PPP1R14D: variants seen among roughly 807,000 people sequenced by gnomAD.
The protein encoded by PPP1R14D is protein phosphatase 1 regulatory inhibitor subunit 14D.
In PPP1R14D, 14 loss-of-function variants were observed where a neutral mutation model predicts 17.1. The observed-to-expected ratio is 0.82, with a 90% CI of 0.54 to 1.28. The LOEUF (loss-of-function observed/expected upper bound fraction) is 1.28, where lower values mean the gene tolerates loss of function less well. PPP1R14D is among the 50% of genes most tolerant of loss of function. The probability of loss-of-function intolerance (pLI) is 0.00; values close to 1 mark genes in which losing one functional copy is unlikely to be tolerated. For missense variants in PPP1R14D, 173 were observed against 179.2 expected, an observed-to-expected ratio of 0.97 and a Z score of 0.20; for synonymous variants, 67 against 66.1, an observed-to-expected ratio of 1.01 and a Z score of -0.06.
At chr15:40,828,244 C>A in intron 1 of PPP1R14D, 143 bp downstream of exon 1, 1 of 1,160,806 alleles carries the variant, frequency 8.6e-7, no homozygotes, top group Non-Finnish European at 1.2e-6. Context: ...GACTTCAAAC[C>A]GATGCTTCTT....
chr15:40,826,350 C>G (rs572743007), intron 1 of PPP1R14D, among the ~76,000 whole-genome samples: 1 of 152,298 alleles, frequency 6.6e-6, no homozygotes, highest in East Asian at 1.9e-4. Context: ...AAGATAGGAT[C>G]TGAGTCAACA....
intron 1 of PPP1R14D, among the ~76,000 whole-genome samples, chr15:40,825,483 G>C (rs1056574172): frequency 2.6e-5 from 4 of 152,132 alleles, no homozygotes; most frequent in African/African-American, 9.7e-5. Flanking sequence ...TTCCTCTGAA[G>C]ACCCCACACC....
intron 1 of PPP1R14D, among the ~76,000 whole-genome samples, chr15:40,827,094 A>C (rs1890880695): frequency 6.6e-6 from 1 of 152,232 alleles, no homozygotes; most frequent in African/African-American, 2.4e-5. Flanking sequence ...TTGGCACTCA[A>C]CTTTGGTTAC....
At position 40,824,317 on chromosome 15, in the gene PPP1R14D, T is replaced by A. The variant is rs548663358; in HGVS notation, c.255+4070A>T. Among the ~76,000 whole-genome samples the A allele has an allele frequency of 6.6e-5, 10 of 152,192 alleles. No individual in the cohort carries two copies. In the East Asian group the frequency reaches 1.9e-3, roughly 29 times the overall value. On this transcript the variant is annotated intron_variant, in intron 1 of 3. Coordinates refer to ENST00000299174, the MANE Select transcript of PPP1R14D (RefSeq NM_017726.8). ...GAACCAACAATTTTTTTTCCTTTTT[T>A]TATAGAGGCAATCAAGTTAAACACA...
rs753516067 is a variant in PPP1R14D at position 40,828,475 on chromosome 15, C to A, written c.167G>T (p.Arg56Leu). Residue 56 changes from arginine to leucine, a missense_variant, in exon 1 of 4, where the codon CGC becomes CTC. By Grantham distance (102) the Arg-to-Leu change is moderately radical (BLOSUM62 -2). Transcript: ENST00000299174. ...GCCCCGGTCATACTTCACTGTCAGG[C>A]GGCTGGGTCTCCGGGACCTGGGTAT... ...SKIPRSRRPS[R>L]LTVKYDRGQL... The A allele has an allele frequency of 1.2e-6, 2 of 1,614,176 alleles. No homozygotes were observed. The highest frequency in any genetic ancestry group is 1.7e-5 in the Admixed American group (1 of 60,020).
chr15:40,819,969 C>T (rs12102251), intron 1 of PPP1R14D, among the ~76,000 whole-genome samples: 7,153 of 151,448 alleles, frequency 0.047, 562 homozygotes, highest in African/African-American at 0.17. Context: ...CGGGTTCAAG[C>T]GATTCTCCTG....
Position 40,828,690 on chromosome 15 carries a change from C to G in PPP1R14D, c.-49G>C. On this transcript the variant is annotated 5_prime_UTR_variant, in exon 1 of 4. Transcript: ENST00000299174. The stretch of plus-strand genomic sequence containing the variant: ...GCTGGGAAAAACCGCCAGTTCTGAG[C>G]AGAGCCACAGAGGGAAGTGAGGAGA... 2 of 1,542,688 alleles carry G rather than the reference C, an allele frequency of 1.3e-6. No individual in the cohort carries two copies. Among genetic ancestry groups the G allele is most frequent in the East Asian group, 2.3e-5 (1 of 44,196 alleles).
chr15:40,817,172 C>G (rs1221628887), intron 1 of PPP1R14D: 1 of 212,922 alleles, frequency 4.7e-6, no homozygotes, highest in Admixed American at 5.2e-5. Flanking sequence ...GCCTGGCCAA[C>G]GTGGTAAAAC....
At chr15:40,824,125 C>T (rs118025233) in intron 1 of PPP1R14D, among the ~76,000 whole-genome samples, 38 of 151,988 alleles carry the variant, frequency 2.5e-4, no homozygotes, top group African/African-American at 8.9e-4. Flanking sequence ...TATAAAACAA[C>T]CCCTACTGAG....
intron 1 of PPP1R14D, 75 bp downstream of exon 1, chr15:40,828,312 G>T (rs1890905075): frequency 6.7e-7 from 1 of 1,498,254 alleles, no homozygotes; most frequent in Non-Finnish European, 8.9e-7. Flanking sequence ...CAGCCCTCCA[G>T]CTCCTGTGAA....
chr15:40,825,379 C>T, intron 1 of PPP1R14D, among the ~76,000 whole-genome samples: 1 of 151,936 alleles, frequency 6.6e-6, no homozygotes, highest in East Asian at 1.9e-4. Context: ...AGAAGAAACT[C>T]ATGTGTGTTT....
chr15:40,820,439 G>A (rs187576821), intron 1 of PPP1R14D, among the ~76,000 whole-genome samples: 2 of 151,744 alleles, frequency 1.3e-5, no homozygotes, highest in South Asian at 4.2e-4. Flanking sequence ...GATTACAGGC[G>A]TGAGCCACCG....
At chr15:40,828,216 G>C (rs1336773446) in intron 1 of PPP1R14D, among the ~76,000 whole-genome samples, 171 bp downstream of exon 1, 2 of 152,202 alleles carry the variant, frequency 1.3e-5, no homozygotes, top group African/African-American at 4.8e-5. Context: ...GACAAGCCTA[G>C]AGGGAGGCAG....
intron 1 of PPP1R14D, among the ~76,000 whole-genome samples, chr15:40,826,427 C>T (rs183640581): frequency 1.1e-3 from 162 of 152,280 alleles, no homozygotes; most frequent in African/African-American, 3.8e-3. Flanking sequence ...CTCAGCCCAG[C>T]CACACATTAG....
Position 40,815,771 on chromosome 15 carries a change from A to C in PPP1R14D, c.373-10T>G. ...GCTCAGAGATAAAAGCCTGAGGGAG[A>C]AACAGGAGTGAGACCAGGCTTGGGG... On this transcript the variant is annotated splice_polypyrimidine_tract_variant and intron_variant, in intron 3 of 3. Coordinates refer to ENST00000299174, the MANE Select transcript of PPP1R14D (RefSeq NM_017726.8). 6.2e-7 allele frequency: 1 copy of C among 1,602,058 alleles called. No individual in the cohort carries two copies. Among genetic ancestry groups the C allele is most frequent in the East Asian group, 2.2e-5 (1 of 44,648 alleles).
intron 1 of PPP1R14D, among the ~76,000 whole-genome samples, chr15:40,817,564 G>A (rs1333810092): frequency 6.6e-6 from 1 of 151,178 alleles, no homozygotes; most frequent in Non-Finnish European, 1.5e-5. Flanking sequence ...AATGCAAAAT[G>A]GTATGGCTAC....
intron 1 of PPP1R14D, among the ~76,000 whole-genome samples, chr15:40,821,726 G>C (rs1285628390): frequency 6.6e-6 from 1 of 152,088 alleles, no homozygotes; most frequent in Non-Finnish European, 1.5e-5. Flanking sequence ...TCAGGGGTTT[G>C]AGACCAGACT....
At chr15:40,823,224 A>G (rs1196946933) in intron 1 of PPP1R14D, among the ~76,000 whole-genome samples, 4 of 151,912 alleles carry the variant, frequency 2.6e-5, no homozygotes, top group Non-Finnish European at 5.9e-5. Context: ...TCAGCCTCTC[A>G]AAGTGCTGGG....
In PPP1R14D at chr15:40,815,585, T is replaced by C; in HGVS notation, c.*111A>G. The C allele has an allele frequency of 7.4e-7, 1 of 1,345,080 alleles. No homozygotes were observed. Among genetic ancestry groups the C allele is most frequent in the Non-Finnish European group, 1.0e-6 (1 of 979,074 alleles). The allele number at this position is 1,345,080 out of a possible 1,614,324, so 83.3% of individuals were successfully genotyped here. On this transcript the variant is annotated 3_prime_UTR_variant, in exon 4 of 4. Coordinates refer to ENST00000299174, the MANE Select transcript of PPP1R14D (RefSeq NM_017726.8). ...AGTAGGAGTATGCAAATGTCCCTCC[T>C]TGTCCACATTTCTTGTTTGTGTCCC... is the stretch of plus-strand genomic sequence containing the variant.
Sources: gnomAD v4.1 joint callset for allele counts (sites outside exome capture counted in the v4.1 genomes callset) on GRCh38, gnomAD v4.1.1 for gene constraint, MANE v1.5 for transcripts, NCBI Gene and HGNC (gene_info 2026-07-23, HGNC 2026-07-21) for gene names.